The following PCDHA9 variants were observed in gnomAD, a reference collection of about 807,000 sequenced individuals.
PCDHA9 encodes protocadherin alpha 9.
PCDHA9 carries 62 observed loss-of-function variants against 62.0 expected under a neutral mutation model. The observed-to-expected ratio is 1.00, with a 90% CI of 0.81 to 1.23. The LOEUF (loss-of-function observed/expected upper bound fraction) is 1.23. Ranked by LOEUF, PCDHA9 falls within the 50% of genes most tolerant of loss-of-function variation. The pLI is 0.00. For missense variants in PCDHA9, 1,205 were observed against 1,249.8 expected (o/e 0.96, Z 0.54); for synonymous variants, 557 against 567.6 (o/e 0.98, Z 0.27).
In PCDHA9 at chr5:140,995,948, C is replaced by T. The variant is rs143431693; in HGVS notation, c.2542+13385C>T. Among the ~76,000 whole-genome samples the T allele has an allele frequency of 4.7e-3, 711 of 152,264 alleles. 7 individuals carry two copies. The highest frequency in any genetic ancestry group is 0.016 in the African/African-American group (645 of 41,554). ...TGTAAGTATTAAATGACATAATGCA[C>T]GCAAAATGCTTAGAACCATGCTTAG... On this transcript the variant is annotated intron_variant, in intron 3 of 3. Transcript: ENST00000532602.
chr5:140,993,380 C>G (rs1304300325), intron 3 of PCDHA9, among the ~76,000 whole-genome samples: 1 of 151,860 alleles, frequency 6.6e-6, no homozygotes, highest in Non-Finnish European at 1.5e-5. Context: ...CCAGCCGGGT[C>G]CCTGAAACTC....
intron 1 of PCDHA9, chr5:140,968,976 A>G (rs1410286561): frequency 2.5e-6 from 4 of 1,614,074 alleles, no homozygotes; most frequent in African/African-American, 1.3e-5. Flanking sequence ...TACACTGCGT[A>G]TGGCACTGCA....
At chr5:140,943,380 T>A (rs2093488086) in intron 1 of PCDHA9, among the ~76,000 whole-genome samples, 3 of 151,328 alleles carry the variant, frequency 2.0e-5, no homozygotes, top group Admixed American at 2.0e-4. Context: ...AATATACAGG[T>A]AAGAAATTAT....
At chr5:140,980,237 A>C (rs1159780134) in intron 2 of PCDHA9, among the ~76,000 whole-genome samples, 1 of 152,238 alleles carries the variant, frequency 6.6e-6, no homozygotes, top group Non-Finnish European at 1.5e-5. Context: ...GTTGGTGGAG[A>C]CATGCAATGG....
chr5:140,967,858 G>C lies in PCDHA9; in HGVS notation c.2395-11091G>C, dbSNP rs2096190865. ...TGGACGTGAATGACAATGCCCCAGA[G>C]GTGGTGCTCACGGACCTGTATAGCC... On this transcript the variant is annotated intron_variant, in intron 1 of 3. Coordinates refer to ENST00000532602, the MANE Select transcript of PCDHA9 (RefSeq NM_031857.2). 6 of 1,614,166 alleles carry C rather than the reference G, an allele frequency of 3.7e-6. No homozygotes were observed. The East Asian group carries it at 1.3e-4, about 36-fold the overall frequency.
intron 1 of PCDHA9, chr5:140,865,219 G>C (rs2048775576): frequency 6.6e-6 from 1 of 152,062 alleles, no homozygotes; most frequent in Admixed American, 6.5e-5. Context: ...TTTCTTTAAA[G>C]GGATCCCAGA....
At chr5:140,939,987 C>T (rs2092516961) in intron 1 of PCDHA9, among the ~76,000 whole-genome samples, 1 of 152,060 alleles carries the variant, frequency 6.6e-6, no homozygotes. Flanking sequence ...TGAATTGTTT[C>T]TCCTTGGATT....
chr5:140,850,292 C>G lies in PCDHA9; in HGVS notation c.1797C>G (p.Ala599=), dbSNP rs2150478092. The part of the protein sequence containing the change: ...VVVGKVRAVD[A]DSGYNAWLSY... The stretch of plus-strand genomic sequence containing the variant: ...TGGGGAAGGTGCGCGCAGTGGACGC[C>G]GACTCGGGCTACAACGCGTGGCTTT... The change falls in exon 1 of 4, where the codon GCC becomes GCG. Residue 599 remains alanine, a synonymous_variant. Transcript: ENST00000532602. 30 of 1,595,922 alleles carry G rather than the reference C, an allele frequency of 1.9e-5. 3 individuals are homozygous for G. The highest frequency in any genetic ancestry group is 6.7e-5 in the East Asian group (3 of 44,830).
rs782398517 is a variant in PCDHA9 at position 140,857,600 on chromosome 5, G to T, written c.2394+6711G>T. 9 of 1,596,344 alleles carry T rather than the reference G, an allele frequency of 5.6e-6. No homozygotes were observed. Among genetic ancestry groups the T allele is most frequent in the Non-Finnish European group, 7.7e-6 (9 of 1,167,692 alleles). On this transcript the variant is annotated intron_variant, in intron 1 of 3. Transcript: ENST00000532602. ...GCACGCGGAGAGCGGCAAGGTGTAC[G>T]CGCTGCAGCCGCTGGACCACGAGGA...
intron 1 of PCDHA9, among the ~76,000 whole-genome samples, chr5:140,854,874 G>A (rs1554147476): frequency 6.7e-6 from 1 of 149,752 alleles, no homozygotes; most frequent in African/African-American, 2.4e-5. Context: ...TCAGAACTGT[G>A]TCTTTTGGGC....
chr5:140,857,468 T>C lies in PCDHA9; in HGVS notation c.2394+6579T>C. The C allele has an allele frequency of 1.3e-6, 2 of 1,598,520 alleles. 1 individual carries two copies. Among genetic ancestry groups the C allele is most frequent in the Non-Finnish European group, 1.7e-6 (2 of 1,167,858 alleles). The stretch of plus-strand genomic sequence containing the variant: ...GAACAACCCGCCAGGCTGCCACATC[T>C]TCACGGTGTCTGCGTGGGACGCGGA... On this transcript the variant is annotated intron_variant, in intron 1 of 3. Transcript: ENST00000532602.
chr5:140,928,288 C>G, intron 1 of PCDHA9: 2 of 1,614,156 alleles, frequency 1.2e-6, no homozygotes, highest in Non-Finnish European at 1.7e-6. Flanking sequence ...CTCTCTAGGC[C>G]GAGTGTTTGC....
intron 1 of PCDHA9, among the ~76,000 whole-genome samples, chr5:140,941,206 T>TCTTCCTTC (rs201128549): frequency 1.0e-4 from 10 of 95,674 alleles, no homozygotes; most frequent in African/African-American, 3.6e-4. Flanking sequence ...TTTCTTCCTT[T>TCTTCCTTC]CTTTCTTCCT....
At chr5:140,855,432 A>T (rs2043465166) in intron 1 of PCDHA9, among the ~76,000 whole-genome samples, 1 of 150,022 alleles carries the variant, frequency 6.7e-6, no homozygotes, top group Non-Finnish European at 1.5e-5. Context: ...TCTAGTGATG[A>T]CTAGATCTTC....
chr5:140,875,571 C>T lies in PCDHA9; in HGVS notation c.2394+24682C>T, dbSNP rs782529259. The T allele has an allele frequency of 7.4e-6, 12 of 1,613,992 alleles. No individual in the cohort carries two copies. The Admixed American group carries it at 1.8e-4, about 25-fold the overall frequency. ...AGGTGGGGAGCGGCCAGCTCCACTACTCCGTCTACGAGGAGGCCAAACACG... is the reference window on the plus strand; with the variant it reads ...AGGTGGGGAGCGGCCAGCTCCACTATTCCGTCTACGAGGAGGCCAAACACG... On this transcript the variant is annotated intron_variant, in intron 1 of 3. Transcript: ENST00000532602.
chr5:140,852,714 G>T, intron 1 of PCDHA9: 2 of 980,718 alleles, frequency 2.0e-6, no homozygotes, highest in South Asian at 9.5e-5. Flanking sequence ...CTTTGTCTTT[G>T]CACGTTTTTC....
At chr5:140,996,597 C>G (rs183031992) in intron 3 of PCDHA9, among the ~76,000 whole-genome samples, 47 of 152,304 alleles carry the variant, frequency 3.1e-4, no homozygotes, top group African/African-American at 1.1e-3. Context: ...CGCCTCCCCC[C>G]ATTTTCATTT....
In PCDHA9 at chr5:140,877,160, C is replaced by A. The variant is rs782531082; in HGVS notation, c.2394+26271C>A. 4 of 1,613,814 alleles carry A rather than the reference C, an allele frequency of 2.5e-6. No individual in the cohort carries two copies. Among genetic ancestry groups the A allele is most frequent in the African/African-American group, 2.7e-5 (2 of 75,052 alleles). On this transcript the variant is annotated intron_variant, in intron 1 of 3. Transcript: ENST00000532602. ...GTGCTGGACGAGAACGACAACGCGC[C>A]GGCACTGCTGGCGACTCCGGCTGGC...
chr5:140,985,357 C>T (rs577732404), intron 3 of PCDHA9, among the ~76,000 whole-genome samples: 1 of 152,298 alleles, frequency 6.6e-6, no homozygotes, highest in East Asian at 1.9e-4. Flanking sequence ...TATAGACCCT[C>T]TGAGGTTATC....
Sources: allele counts gnomAD v4.1 joint callset (sites outside exome capture counted in the v4.1 genomes callset), GRCh38; gene constraint gnomAD v4.1.1; transcripts MANE v1.5; gene names NCBI Gene and HGNC (gene_info 2026-07-23, HGNC 2026-07-21).